Variants in ITSN1 observed in about 807,000 individuals in gnomAD.
The protein encoded by ITSN1 is intersectin 1, also known as intersectin-1.
In ITSN1, 58 loss-of-function variants were observed where a neutral mutation model predicts 239.8. The ratio of observed to expected loss-of-function variants is 0.24; its 90% confidence interval spans 0.20 to 0.30. ITSN1 has a LOEUF of 0.30. Among genes scored for constraint, ITSN1 ranks in the 10% least tolerant of loss-of-function variants. The pLI is 1.00. For missense variants in ITSN1, 1,558 were observed against 2,103.3 expected (o/e 0.74, Z 5.07); for synonymous variants, 780 against 770.8 (o/e 1.01, Z -0.20).
intron 1 of ITSN1, among the ~76,000 whole-genome samples, chr21:33,697,943 G>C (rs1199395692): frequency 1.3e-5 from 2 of 152,144 alleles, no homozygotes; most frequent in Non-Finnish European, 2.9e-5. Context: ...GCAGTTAGTT[G>C]GTGGTCTGGA....
At chr21:33,811,676 C>G (rs927503391) in intron 21 of ITSN1, among the ~76,000 whole-genome samples, 2 of 152,198 alleles carry the variant, frequency 1.3e-5, no homozygotes, top group Non-Finnish European at 2.9e-5. Context: ...AAGCTTTCCA[C>G]TTTCATTAAT....
chr21:33,876,530 A>G (rs1983948199), intron 34 of ITSN1, among the ~76,000 whole-genome samples: 1 of 152,118 alleles, frequency 6.6e-6, no homozygotes, highest in Non-Finnish European at 1.5e-5. Context: ...ATGCCCAGCT[A>G]TGCTGGTTTC....
intron 28 of ITSN1, among the ~76,000 whole-genome samples, chr21:33,835,433 A>G (rs2074545223): frequency 6.6e-6 from 1 of 152,168 alleles, no homozygotes; most frequent in Non-Finnish European, 1.5e-5. Flanking sequence ...CTATTTATTA[A>G]TAGGTTGGTT....
At chr21:33,808,493 G>C (rs531924186) in intron 20 of ITSN1, among the ~76,000 whole-genome samples, 94 of 151,984 alleles carry the variant, frequency 6.2e-4, no homozygotes, top group Admixed American at 1.3e-3. Flanking sequence ...GCTGAGGCAG[G>C]AGAATTGCTT....
intron 38 of ITSN1, 100 bp from the exon 39 acceptor site, chr21:33,886,187 G>C (rs1213061917): frequency 2.0e-6 from 2 of 1,004,060 alleles, no homozygotes; most frequent in Non-Finnish European, 3.0e-6. Context: ...ACTGCAGCCT[G>C]GGCGACAGAG....
At chr21:33,722,082 A>G (rs2065521567) in intron 3 of ITSN1, 1 of 151,728 alleles carries the variant, frequency 6.6e-6, no homozygotes, top group Non-Finnish European at 1.5e-5. Flanking sequence ...TATTTTTTAT[A>G]TTTTTAGTAG....
intron 14 of ITSN1, among the ~76,000 whole-genome samples, chr21:33,778,769 G>A (rs1267843347): frequency 1.7e-4 from 25 of 146,780 alleles, no homozygotes; most frequent in Middle Eastern, 6.9e-3. Flanking sequence ...TAGTAGAGAC[G>A]GGGTTTCACC....
At chr21:33,691,965 G>A in intron 1 of ITSN1, among the ~76,000 whole-genome samples, 1 of 152,358 alleles carries the variant, frequency 6.6e-6, no homozygotes, top group African/African-American at 2.4e-5. Context: ...TAACAAGATT[G>A]TTGCCGAAGG....
Position 33,882,515 on chromosome 21 carries a change from T to C in ITSN1, c.4554+60T>C. ...TGACGTGTTTGGGGAGGAAGAAGTTTCCAAAAAGGAGGTAGAGTTTTAGCA... is the reference window on the plus strand; with the variant it reads ...TGACGTGTTTGGGGAGGAAGAAGTTCCCAAAAAGGAGGTAGAGTTTTAGCA... On this transcript the variant is annotated intron_variant, in intron 35 of 39. Transcript: ENST00000381318. The surrounding 1 kb of genome is among the most constrained non-coding windows in gnomAD (Gnocchi z 4.5). The C allele has an allele frequency of 2.8e-5, 41 of 1,466,772 alleles. No individual in the cohort carries two copies. Among genetic ancestry groups the C allele is most frequent in the African/African-American group, 4.2e-5 (3 of 71,136 alleles). 90.9% of individuals were successfully genotyped at this position (1,466,772 alleles called of 1,614,324 possible). A position where few individuals can be genotyped will look rare whatever the true frequency, so the allele number is the denominator to read the frequency against.
At chr21:33,761,324 C>G (rs929436609) in intron 8 of ITSN1, among the ~76,000 whole-genome samples, 1 of 152,116 alleles carries the variant, frequency 6.6e-6, no homozygotes, top group South Asian at 2.1e-4. Context: ...GCCTCAGCCT[C>G]CCAGAATGCT....
intron 17 of ITSN1, 70 bp downstream of exon 17, chr21:33,794,538 C>T: frequency 6.5e-7 from 1 of 1,540,650 alleles, no homozygotes; most frequent in Non-Finnish European, 8.7e-7. Flanking sequence ...TGCTTGGCTT[C>T]TCCAAGTAGT....
At chr21:33,754,719 C>T (rs1215801328) in intron 7 of ITSN1, among the ~76,000 whole-genome samples, 1 of 152,194 alleles carries the variant, frequency 6.6e-6, no homozygotes, top group Non-Finnish European at 1.5e-5. Context: ...TCTCCATTCC[C>T]ACTCTGCTTA....
chr21:33,766,829 C>T (rs150226570), intron 10 of ITSN1, among the ~76,000 whole-genome samples: 21 of 152,266 alleles, frequency 1.4e-4, no homozygotes, highest in African/African-American at 5.1e-4. Flanking sequence ...ATAATGAATG[C>T]GTAAAAAGGA....
chr21:33,754,435 T>A (rs1388334742), intron 7 of ITSN1, among the ~76,000 whole-genome samples: 1 of 152,244 alleles, frequency 6.6e-6, no homozygotes, highest in Non-Finnish European at 1.5e-5. Context: ...TGAAGTGAAA[T>A]TGCAGACAGA....
intron 1 of ITSN1, among the ~76,000 whole-genome samples, chr21:33,696,405 G>A (rs1348919290): frequency 6.6e-6 from 1 of 152,194 alleles, no homozygotes; most frequent in Admixed American, 6.5e-5. Flanking sequence ...GTATTGGACA[G>A]GAAAATCTTA....
At chr21:33,714,622 TTATATCTATATC>T (rs3057433) in intron 1 of ITSN1, among the ~76,000 whole-genome samples, 263 of 151,942 alleles carry the variant, frequency 1.7e-3, no homozygotes, top group African/African-American at 3.5e-3. Context: ...CATAAAATTA[TTATATCTATATC>T]TATATCTATA....
At chr21:33,680,275 G>C (rs1050227481) in intron 1 of ITSN1, among the ~76,000 whole-genome samples, 4 of 150,942 alleles carry the variant, frequency 2.7e-5, no homozygotes, top group African/African-American at 9.7e-5. Flanking sequence ...TCTAACTCAG[G>C]ACAGTGCTGA....
At chr21:33,703,844 T>G (rs1448014220) in intron 1 of ITSN1, among the ~76,000 whole-genome samples, 1 of 152,210 alleles carries the variant, frequency 6.6e-6, no homozygotes, top group Non-Finnish European at 1.5e-5. Context: ...TGTGCCTATT[T>G]GCCTACTTGG....
chr21:33,841,729 A>G (rs944937461), intron 29 of ITSN1, among the ~76,000 whole-genome samples: 4 of 152,320 alleles, frequency 2.6e-5, no homozygotes, highest in Admixed American at 6.5e-5. Context: ...CATTAATCCT[A>G]TTCATTCTCT....
Sources: allele counts gnomAD v4.1 joint callset (sites outside exome capture counted in the v4.1 genomes callset), GRCh38; gene constraint gnomAD v4.1.1; non-coding constraint Gnocchi (gnomAD v3.1); transcripts MANE v1.5; gene names NCBI Gene and HGNC (gene_info 2026-07-23, HGNC 2026-07-21).